Variants in SCEL observed in about 807,000 individuals in gnomAD.
SCEL encodes the protein sciellin.
SCEL carries 113 observed loss-of-function variants against 117.6 expected under a neutral mutation model. The ratio of observed to expected loss-of-function variants is 0.96; its 90% CI spans 0.83 to 1.12. The LOEUF is 1.12. SCEL is among the 50% of genes most tolerant of loss of function. SCEL has a pLI of 0.00. For missense variants in SCEL, 785 were observed against 810.8 expected (o/e 0.97, Z 0.39); for synonymous variants, 270 against 256.2 (o/e 1.05, Z -0.51).
chr13:77,644,137 T>C, intron 32 of SCEL, 121 bp from the exon 33 acceptor site: 1 of 1,052,292 alleles, frequency 9.5e-7, no homozygotes, highest in Non-Finnish European at 1.4e-6. Flanking sequence ...ATTTCAGAAG[T>C]GGAAGGAAAA....
intron 27 of SCEL, among the ~76,000 whole-genome samples, chr13:77,626,990 A>G (rs1594166222): frequency 6.6e-6 from 1 of 152,216 alleles, no homozygotes; most frequent in Admixed American, 6.5e-5. Context: ...CCTAATATAT[A>G]AATAACATAC....
chr13:77,546,699 AAAAG>A (rs1358597595), intron 1 of SCEL, among the ~76,000 whole-genome samples: 2 of 151,694 alleles, frequency 1.3e-5, no homozygotes, highest in Admixed American at 1.3e-4. Context: ...AAAAAAAAGG[AAAAG>A]AAATCTCTTA....
At chr13:77,623,557 A>G (rs936173266) in intron 27 of SCEL, 2 of 152,232 alleles carry the variant, frequency 1.3e-5, no homozygotes, top group African/African-American at 4.8e-5. Context: ...GAAACAAATA[A>G]TAATATAGTT....
At chr13:77,593,298 C>CGCGCGCGCGTCTG (rs1195863187) in intron 11 of SCEL, among the ~76,000 whole-genome samples, 1,649 of 73,720 alleles carry the variant, frequency 0.022, 41 homozygotes, top group Non-Finnish European at 0.029. Context: ...GTGTGTGTGT[C>CGCGCGCGCGTCTG]TGTGTGTGTG....
At position 77,610,322 on chromosome 13, in the gene SCEL, G is replaced by A. The variant is rs28428582; in HGVS notation, c.1337+216G>A. On this transcript the variant is annotated intron_variant, in intron 22 of 32. Transcript: ENST00000349847. ...AAAAATTTAGCTGGGCGTGGTGGTG[G>A]GTGCCTGTAGTCTCAGCTACTCGGG... is the stretch of plus-strand genomic sequence containing the variant. Among the ~76,000 whole-genome samples the A allele has an allele frequency of 0.1, 15,702 of 151,754 alleles. 1,354 individuals are homozygous for A. Among genetic ancestry groups the A allele is most frequent in the East Asian group, 0.44 (2,270 of 5,150 alleles).
chr13:77,621,546 G>T (rs556323390), intron 27 of SCEL, among the ~76,000 whole-genome samples: 5 of 152,156 alleles, frequency 3.3e-5, no homozygotes, highest in Non-Finnish European at 7.4e-5. Context: ...CATAACATTG[G>T]TCTCTTCGAG....
intron 9 of SCEL, among the ~76,000 whole-genome samples, chr13:77,583,288 T>G (rs1411802386): frequency 1.3e-5 from 2 of 152,116 alleles, no homozygotes; most frequent in African/African-American, 4.8e-5. Context: ...AAAGAGAAAG[T>G]TGGTGGCAAA....
chr13:77,544,249 C>T (rs1192117465), intron 1 of SCEL, among the ~76,000 whole-genome samples: 1 of 152,114 alleles, frequency 6.6e-6, no homozygotes, highest in Non-Finnish European at 1.5e-5. Context: ...TTACTTTCTG[C>T]TGCACATCTT....
At chr13:77,599,269 A>G in intron 13 of SCEL, 60 bp from the exon 14 acceptor site, 1 of 1,212,310 alleles carries the variant, frequency 8.2e-7, no homozygotes, top group Middle Eastern at 2.0e-4. Flanking sequence ...CTATGTTCTT[A>G]TAGAGTTAAG....
At chr13:77,555,683 T>C (rs111926206) in intron 1 of SCEL, among the ~76,000 whole-genome samples, 174 bp from the exon 2 acceptor site, 264 of 152,090 alleles carry the variant, frequency 1.7e-3, no homozygotes, top group African/African-American at 6.0e-3. Context: ...AAAACAAATA[T>C]GTTGGAAGAG....
intron 31 of SCEL, 131 bp downstream of exon 31, chr13:77,640,915 C>G: frequency 2.0e-6 from 1 of 508,426 alleles, no homozygotes; most frequent in South Asian, 2.9e-5. Context: ...TAATAGTACA[C>G]TACTTAAATA....
chr13:77,559,379 CA>C (rs2084844291), intron 3 of SCEL, among the ~76,000 whole-genome samples: 1 of 152,252 alleles, frequency 6.6e-6, no homozygotes, highest in Admixed American at 6.5e-5. Flanking sequence ...AGTCCACCAA[CA>C]TACCCAGACG....
intron 23 of SCEL, 80 bp downstream of exon 23, chr13:77,613,021 A>G (rs111690743): frequency 1.2e-6 from 1 of 826,510 alleles, no homozygotes; most frequent in Non-Finnish European, 1.9e-6. Flanking sequence ...ATTTAACTAA[A>G]GACATTTTGA....
chr13:77,642,395 G>T (rs1027491876), intron 31 of SCEL, among the ~76,000 whole-genome samples: 3 of 152,164 alleles, frequency 2.0e-5, no homozygotes, highest in African/African-American at 7.2e-5. Context: ...CTCAAACCCA[G>T]TCAGATAAGC....
At chr13:77,580,780 T>C (rs926718114) in intron 9 of SCEL, among the ~76,000 whole-genome samples, 3 of 152,232 alleles carry the variant, frequency 2.0e-5, no homozygotes, top group Admixed American at 6.5e-5. Context: ...AAGAAAATAA[T>C]ATTTGATAAA....
At chr13:77,638,932 T>G (rs1165027206) in intron 30 of SCEL, among the ~76,000 whole-genome samples, 1 of 152,054 alleles carries the variant, frequency 6.6e-6, no homozygotes, top group Non-Finnish European at 1.5e-5. Flanking sequence ...ACAATGCAGA[T>G]GGCACTTTTT....
In SCEL at chr13:77,595,932, C is replaced by T. The variant is rs192817681; in HGVS notation, c.753-1613C>T. The stretch of plus-strand genomic sequence containing the variant: ...GCAGCTATTCTTGCTATAGTGTCAT[C>T]GTGCCAGGCATCTTCAAGCACATAA... On this transcript the variant is annotated intron_variant, in intron 12 of 32. Coordinates refer to ENST00000349847, the MANE Select transcript of SCEL (RefSeq NM_144777.3). 4.6e-5 allele frequency among the ~76,000 whole-genome samples: 7 copies of T among 152,268 alleles called. No homozygotes were observed. The South Asian group carries it at 1.0e-3, about 23-fold the overall frequency.
At chr13:77,604,070 T>A (rs2087928062) in intron 18 of SCEL, among the ~76,000 whole-genome samples, 1 of 152,106 alleles carries the variant, frequency 6.6e-6, no homozygotes, top group South Asian at 2.1e-4. Flanking sequence ...TCTAACAAGA[T>A]GTATCTGAAG....
intron 10 of SCEL, among the ~76,000 whole-genome samples, chr13:77,590,577 A>G (rs1190765449): frequency 1.3e-5 from 2 of 152,058 alleles, no homozygotes; most frequent in African/African-American, 4.8e-5. Flanking sequence ...CTAGAGCTAC[A>G]AGCTTGTTTA....
Sources: allele counts gnomAD v4.1 joint callset (sites outside exome capture counted in the v4.1 genomes callset), GRCh38; gene constraint gnomAD v4.1.1; transcripts MANE v1.5; gene names NCBI Gene and HGNC (gene_info 2026-07-23, HGNC 2026-07-21).